RSRC1: variants seen among roughly 807,000 people sequenced by gnomAD.
RSRC1 encodes arginine and serine rich coiled-coil 1.
RSRC1 carries 39 observed loss-of-function variants against 49.1 expected under a neutral mutation model. That is an observed-to-expected ratio of 0.79 (90% CI 0.61 to 1.04). The LOEUF is 1.04. RSRC1 is among the 50% of genes least tolerant of loss of function. RSRC1 has a pLI of 0.00. For missense variants in RSRC1, 388 were observed against 402.4 expected, an observed-to-expected ratio of 0.96 and a Z score of 0.31; for synonymous variants, 143 against 130.8, an observed-to-expected ratio of 1.09 and a Z score of -0.63.
At chr3:158,190,553 A>G (rs1381317807) in intron 3 of RSRC1, among the ~76,000 whole-genome samples, 2 of 150,166 alleles carry the variant, frequency 1.3e-5, no homozygotes, top group South Asian at 2.1e-4. Flanking sequence ...ATTTAAATAA[A>G]TTGGTTTTTT....
chr3:158,123,887 T>G lies in RSRC1; in HGVS notation c.216T>G (p.Ser72Arg). The G allele has an allele frequency of 6.2e-7, 1 of 1,611,450 alleles. No individual in the cohort carries two copies. Among genetic ancestry groups the G allele is most frequent in the Non-Finnish European group, 8.5e-7 (1 of 1,178,398 alleles). The part of the protein sequence containing the change: ...YDRRRRHRSS[S>R]SSSYGSRRKR... ...TCAGACGCAGGCATCGATCAAGCAG[T>G]AGCTCTTCTTATGGCTCCAGAAGGA... is the stretch of plus-strand genomic sequence containing the variant. The change falls in exon 3 of 10, where the codon AGT becomes AGG. Residue 72 changes from serine (S) to arginine (R), a missense_variant. By Grantham distance (110) the Ser-to-Arg change is moderately radical (BLOSUM62 -1). Transcript: ENST00000611884.
At chr3:158,137,327 A>G (rs1716439555) in intron 3 of RSRC1, among the ~76,000 whole-genome samples, 1 of 152,062 alleles carries the variant, frequency 6.6e-6, no homozygotes. Context: ...AGAAATCACT[A>G]AATTTTTGAA....
intron 6 of RSRC1, among the ~76,000 whole-genome samples, chr3:158,390,321 T>G (rs1273144649): frequency 6.6e-6 from 1 of 152,178 alleles, no homozygotes. Flanking sequence ...ACCTTGCAAC[T>G]ATAGTTAGTG....
intron 6 of RSRC1, among the ~76,000 whole-genome samples, chr3:158,446,136 G>A (rs1337041333): frequency 6.6e-6 from 1 of 152,074 alleles, no homozygotes; most frequent in Non-Finnish European, 1.5e-5. Context: ...AAAATTACAA[G>A]TAGTATCTGT....
chr3:158,368,243 T>C (rs578016795), intron 6 of RSRC1, among the ~76,000 whole-genome samples: 2 of 152,302 alleles, frequency 1.3e-5, no homozygotes, highest in East Asian at 3.9e-4. Flanking sequence ...AACCTCTTTC[T>C]TTTGGGTCCT....
intron 6 of RSRC1, among the ~76,000 whole-genome samples, chr3:158,442,650 ACCT>A (rs1341273272): frequency 1.3e-5 from 2 of 151,616 alleles, no homozygotes; most frequent in Non-Finnish European, 2.9e-5. Context: ...TGCTATTTTG[ACCT>A]CCTCCCAGGA....
At chr3:158,447,368 A>G (rs1222851261) in intron 6 of RSRC1, among the ~76,000 whole-genome samples, 1 of 152,016 alleles carries the variant, frequency 6.6e-6, no homozygotes, top group Non-Finnish European at 1.5e-5. Context: ...TTAATAACAT[A>G]ATTATTTGCT....
chr3:158,137,118 A>G (rs1716428067), intron 3 of RSRC1, among the ~76,000 whole-genome samples: 1 of 152,148 alleles, frequency 6.6e-6, no homozygotes, highest in Non-Finnish European at 1.5e-5. Flanking sequence ...CCTCAACTGG[A>G]ATGAGCAGCA....
intron 4 of RSRC1, among the ~76,000 whole-genome samples, chr3:158,237,958 A>G (rs149330199): frequency 0.01 from 1,526 of 152,228 alleles, 30 homozygotes; most frequent in African/African-American, 0.035. Flanking sequence ...AGCTCCTATT[A>G]TTTTGAGATA....
intron 3 of RSRC1, among the ~76,000 whole-genome samples, chr3:158,160,041 C>T (rs1190467335): frequency 6.6e-6 from 1 of 152,086 alleles, no homozygotes; most frequent in Non-Finnish European, 1.5e-5. Flanking sequence ...AATGTATCTA[C>T]TCACACTACA....
intron 1 of RSRC1, among the ~76,000 whole-genome samples, chr3:158,114,640 C>T (rs138362606): frequency 7.9e-5 from 12 of 152,138 alleles, no homozygotes; most frequent in African/African-American, 2.6e-4. Context: ...GAGCATGGAA[C>T]GTTTTTCCAC....
intron 6 of RSRC1, among the ~76,000 whole-genome samples, chr3:158,390,671 A>G (rs1336002408): frequency 6.6e-6 from 1 of 152,144 alleles, no homozygotes; most frequent in African/African-American, 2.4e-5. Flanking sequence ...TAAGGAAACT[A>G]GGAAGTAGGG....
At chr3:158,132,198 C>A (rs1468239384) in intron 3 of RSRC1, 3 of 422,678 alleles carry the variant, frequency 7.1e-6, no homozygotes, top group Non-Finnish European at 1.4e-5. Flanking sequence ...GTTGCCCAGG[C>A]TGGTCTCAAA....
chr3:158,252,609 G>C (rs912617558), intron 4 of RSRC1, among the ~76,000 whole-genome samples: 2 of 152,256 alleles, frequency 1.3e-5, no homozygotes, highest in Admixed American at 6.5e-5. Flanking sequence ...TCATAAAATG[G>C]GTTTGGAAGT....
intron 6 of RSRC1, among the ~76,000 whole-genome samples, chr3:158,381,175 C>T (rs57550995): frequency 6.6e-6 from 1 of 152,056 alleles, no homozygotes; most frequent in Non-Finnish European, 1.5e-5. Flanking sequence ...TGAACACTTA[C>T]AAACCATGCA....
chr3:158,521,371 T>C (rs1327702073), intron 7 of RSRC1, among the ~76,000 whole-genome samples: 4 of 152,108 alleles, frequency 2.6e-5, no homozygotes, highest in Non-Finnish European at 5.9e-5. Flanking sequence ...TTGTCCTGCC[T>C]TATCCCCAGG....
At chr3:158,317,388 C>T (rs1234636975) in intron 5 of RSRC1, among the ~76,000 whole-genome samples, 1 of 151,932 alleles carries the variant, frequency 6.6e-6, no homozygotes, top group Non-Finnish European at 1.5e-5. Context: ...GTCACCACGC[C>T]CAGCTAATTT....
chr3:158,212,336 A>C (rs937274146), intron 4 of RSRC1, among the ~76,000 whole-genome samples: 2 of 151,744 alleles, frequency 1.3e-5, no homozygotes, highest in Non-Finnish European at 2.9e-5. Context: ...ATTCACATAC[A>C]TACACTACTT....
At chr3:158,132,177 G>C (rs1716078899) in intron 3 of RSRC1, 1 of 440,528 alleles carries the variant, frequency 2.3e-6, no homozygotes, top group Non-Finnish European at 4.6e-6. Flanking sequence ...GCGGAGATGG[G>C]GTTTCACCAT....
Sources: allele counts gnomAD v4.1 joint callset (sites outside exome capture counted in the v4.1 genomes callset), GRCh38; gene constraint gnomAD v4.1.1; transcripts MANE v1.5; gene names NCBI Gene and HGNC (gene_info 2026-07-23, HGNC 2026-07-21).